The following SLIRP variants were observed in gnomAD, a reference collection of about 807,000 sequenced individuals.
SLIRP encodes SRA stem-loop-interacting RNA-binding protein, mitochondrial.
SLIRP carries 12 observed loss-of-function variants against 13.4 expected under a neutral mutation model. The observed-to-expected ratio is 0.89, with a 90% CI of 0.57 to 1.45. The LOEUF (loss-of-function observed/expected upper bound fraction) is 1.45, where lower values mean the gene tolerates loss of function less well. Among genes scored for constraint, SLIRP ranks in the 40% most tolerant of loss-of-function variants. The pLI is 0.00. For missense variants in SLIRP, 154 were observed against 132.2 expected (o/e 1.17, Z -0.81); for synonymous variants, 55 against 47.1 (o/e 1.17, Z -0.69).
chr14:77,709,208 GT>G (rs879727254), intron 1 of SLIRP, among the ~76,000 whole-genome samples: 2 of 152,210 alleles, frequency 1.3e-5, no homozygotes, highest in Non-Finnish European at 2.9e-5. Context: ...GTCAGCTGCA[GT>G]TTTGAGATGA....
At chr14:77,710,989 G>T (rs2080435875) in intron 2 of SLIRP, 93 bp downstream of exon 2, 2 of 1,010,800 alleles carry the variant, frequency 2.0e-6, no homozygotes, top group East Asian at 4.8e-5. Flanking sequence ...GTACAACAGG[G>T]TGACTATGGT....
intron 1 of SLIRP, 190 bp from the exon 2 acceptor site, chr14:77,710,648 A>T (rs2080432748): frequency 6.5e-7 from 1 of 1,529,632 alleles, no homozygotes; most frequent in South Asian, 1.2e-5. Context: ...TTCTCTGTCC[A>T]TCTCACCACC....
At chr14:77,711,234 C>T (rs1046421201) in intron 2 of SLIRP, among the ~76,000 whole-genome samples, 2 of 147,306 alleles carry the variant, frequency 1.4e-5, no homozygotes, top group Non-Finnish European at 3.0e-5. Flanking sequence ...AATATATACA[C>T]CTAATAATAT....
rs1054711875 is a variant in SLIRP, at chr14:77,716,378, G to T, written c.264+499G>T. ...GGTGCGGTGGTAGGCCAGGCGCAGT[G>T]GTTCATGCCTATAATCCCAGCACTT... On this transcript the variant is annotated intron_variant, in intron 3 of 3. Transcript: ENST00000557342. 4 of 152,420 alleles carry T rather than the reference G, an allele frequency of 2.6e-5. No individual in the cohort carries two copies. The South Asian group carries it at 8.2e-4, about 31-fold the overall frequency. The allele number at this position is 152,420 out of a possible 1,614,324, so 9.4% of individuals were successfully genotyped here.
chr14:77,712,150 C>G (rs1178912241), intron 2 of SLIRP: 2 of 152,166 alleles, frequency 1.3e-5, no homozygotes, highest in African/African-American at 2.4e-5. Flanking sequence ...TAGCTGGGTC[C>G]TCTCCTTAGG....
intron 3 of SLIRP, among the ~76,000 whole-genome samples, chr14:77,716,803 C>T (rs2080486965): frequency 6.6e-6 from 1 of 151,842 alleles, no homozygotes; most frequent in Admixed American, 6.6e-5. Flanking sequence ...CTCTTGTTGC[C>T]CAGGCTAGAG....
chr14:77,717,540 T>C lies in SLIRP; in HGVS notation c.309T>C (p.Asp103=), dbSNP rs550452944. The C allele has an allele frequency of 1.1e-5, 18 of 1,614,022 alleles. No homozygotes were observed. The South Asian group carries it at 2.0e-4, about 18-fold the overall frequency. ...GGCCAAAACTTCCGCAAACATCTGA[T>C]GATGAAAAGAAAGATTTTTGAGACT... ...TRRPKLPQTS[D]DEKKDF is the part of the protein sequence containing the mutation. Residue 103 remains aspartate, a synonymous_variant, in exon 4 of 4, where the codon GAT becomes GAC. Transcript: ENST00000557342.
chr14:77,708,983 C>A (rs176941), intron 1 of SLIRP, among the ~76,000 whole-genome samples: 52,610 of 151,922 alleles, frequency 0.35, 9,406 homozygotes, highest in Non-Finnish European at 0.4. Flanking sequence ...GTTTACTCAT[C>A]GATAAAATGG....
intron 1 of SLIRP, among the ~76,000 whole-genome samples, chr14:77,708,509 A>G (rs1013308324): frequency 2.6e-5 from 4 of 152,196 alleles, no homozygotes; most frequent in Non-Finnish European, 1.5e-5. Flanking sequence ...TGGAGGATGG[A>G]TTCAAGGTGG....
At chr14:77,715,247 C>G (rs2080467415) in intron 2 of SLIRP, among the ~76,000 whole-genome samples, 1 of 152,058 alleles carries the variant, frequency 6.6e-6, no homozygotes, top group Non-Finnish European at 1.5e-5. Flanking sequence ...CGTATCTTCT[C>G]TAATGGCAGC....
intron 3 of SLIRP, 26 bp downstream of exon 3, chr14:77,715,905 A>G: frequency 7.1e-7 from 1 of 1,416,398 alleles, no homozygotes; most frequent in Non-Finnish European, 1.0e-6. Context: ...TGCCAGATAC[A>G]TACATGATAT....
chr14:77,715,836 G>A lies in SLIRP; in HGVS notation c.221G>A (p.Arg74Gln), dbSNP rs1566822874. ...CAGTTTTCTTCAGAAGAAGGACTTC[G>A]GAATGCACTACAACAGGAAAATCAT... ...WVQFSSEEGL[R>Q]NALQQENHII... is the part of the protein sequence containing the mutation. The change falls in exon 3 of 4, where the codon CGG (arginine) becomes CAG (glutamine). Residue 74 changes from arginine to glutamine, a missense_variant. Coordinates refer to ENST00000557342, the MANE Select transcript of SLIRP (RefSeq NM_031210.6). 3 of 1,613,968 alleles carry A rather than the reference G, an allele frequency of 1.9e-6. No homozygotes were observed. Among genetic ancestry groups the A allele is most frequent in the Non-Finnish European group, 2.5e-6 (3 of 1,179,994 alleles).
chr14:77,717,282 CT>C lies in SLIRP; in HGVS notation c.265-213del, dbSNP rs371888741. On this transcript the variant is annotated intron_variant, in intron 3 of 3. Transcript: ENST00000557342. The stretch of plus-strand genomic sequence containing the variant: ...GCATTACAGGCCTGAGCCACTGCCC[CT>C]GGTCTGATTTACAATTTTTAATTGA... Among the ~76,000 whole-genome samples, 153 of 152,328 alleles carry C rather than the reference CT, an allele frequency of 1.0e-3. No individual in the cohort carries two copies. In the Middle Eastern group the frequency reaches 0.01, roughly 10 times the overall value.
chr14:77,717,221 C>CAA (rs1222427272), intron 3 of SLIRP, among the ~76,000 whole-genome samples: 1 of 152,194 alleles, frequency 6.6e-6, no homozygotes, highest in Non-Finnish European at 1.5e-5. Context: ...CTCCTGGCCT[C>CAA]AAGCAATCCT....
In SLIRP at chr14:77,715,855, A is replaced by C. The variant is rs1229328537; in HGVS notation, c.240A>C (p.Glu80Asp). 1.2e-6 allele frequency: 2 copies of C among 1,613,800 alleles called. No homozygotes were observed. The highest frequency in any genetic ancestry group is 2.7e-5 in the African/African-American group (2 of 74,920). The change falls in exon 3 of 4, where the codon GAA becomes GAC. Residue 80 changes from glutamate (E) to aspartate (D), a missense_variant. Glu to Asp is a conservative substitution (Grantham distance 45, BLOSUM62 2). Transcript: ENST00000557342. The stretch of plus-strand genomic sequence containing the variant: ...GACTTCGGAATGCACTACAACAGGA[A>C]AATCATATTATAGATGGAGTAAAGG... ...EEGLRNALQQ[E>D]NHIIDGVKVQ...
rs558876759 is a variant in SLIRP, at chr14:77,708,270, G to C, written c.97+62G>C. 27 of 1,541,280 alleles carry C rather than the reference G, an allele frequency of 1.8e-5. No individual in the cohort carries two copies. The African/African-American group carries it at 3.1e-4, about 18-fold the overall frequency. ...GGTCCAAGTGATCCTCAAAGCTTCT[G>C]CTTTTTGCAGGGTACTTAAGTCAGC... On this transcript the variant is annotated intron_variant, in intron 1 of 3. Coordinates refer to ENST00000557342, the MANE Select transcript of SLIRP (RefSeq NM_031210.6).
Position 77,708,153 on chromosome 14 carries a change from A to G in SLIRP, c.42A>G (p.Arg14=). The G allele has an allele frequency of 6.2e-7, 1 of 1,614,184 alleles. No individual in the cohort carries two copies. The highest frequency in any genetic ancestry group is 1.1e-5 in the South Asian group (1 of 91,092). Residue 14 remains arginine, a synonymous_variant, in exon 1 of 4, where the codon AGA becomes AGG. Transcript: ENST00000557342. ...SAARGAAALR[R]SINQPVAFVR... ...CGAGAGGTGCTGCGGCGCTGCGTAG[A>G]AGTATCAATCAGCCGGTTGCTTTTG...
chr14:77,711,385 A>T (rs939647550), intron 2 of SLIRP, among the ~76,000 whole-genome samples: 4 of 152,030 alleles, frequency 2.6e-5, no homozygotes, highest in African/African-American at 4.8e-5. Flanking sequence ...GCAGGGGTGC[A>T]GTGGCCTGAT....
intron 2 of SLIRP, among the ~76,000 whole-genome samples, chr14:77,712,817 C>G (rs2139878554): frequency 6.6e-6 from 1 of 152,258 alleles, no homozygotes; most frequent in South Asian, 2.1e-4. Flanking sequence ...GGGAGCTGCT[C>G]TCACCTAGGA....
Sources: gnomAD v4.1 joint callset for allele counts (sites outside exome capture counted in the v4.1 genomes callset) on GRCh38, gnomAD v4.1.1 for gene constraint, MANE v1.5 for transcripts, NCBI Gene and HGNC (gene_info 2026-07-23, HGNC 2026-07-21) for gene names.